The following LAMA1 variants were observed in gnomAD, a reference collection of about 807,000 sequenced individuals.
The protein encoded by LAMA1 is laminin subunit alpha 1.
Under a neutral mutation model 348.7 loss-of-function variants are expected in LAMA1, and 219 were observed. The ratio of observed to expected loss-of-function variants is 0.63; its 90% CI spans 0.56 to 0.70. The LOEUF is 0.70. Among genes scored for constraint, LAMA1 ranks in the 30% least tolerant of loss-of-function variants. The pLI, the probability that LAMA1 is intolerant of heterozygous loss-of-function variation, is 0.00. For missense variants in LAMA1, 3,744 were observed against 3,888.0 expected (o/e 0.96, Z 0.99); for synonymous variants, 1,487 against 1,491.0 (o/e 1.00, Z 0.06).
chr18:7,097,517 T>C (rs1296616118), intron 1 of LAMA1, among the ~76,000 whole-genome samples: 3 of 148,160 alleles, frequency 2.0e-5, no homozygotes, highest in Non-Finnish European at 3.0e-5. Flanking sequence ...TTTTTTTTTT[T>C]TGTAGAAATT....
At chr18:7,021,830 T>TA (rs2057917905) in intron 19 of LAMA1, among the ~76,000 whole-genome samples, 1 of 60,958 alleles carries the variant, frequency 1.6e-5, no homozygotes, top group African/African-American at 1.4e-4. Flanking sequence ...TATTATATAA[T>TA]ATAATAATAT....
chr18:7,103,886 C>T (rs535613591), intron 1 of LAMA1, among the ~76,000 whole-genome samples: 1 of 152,180 alleles, frequency 6.6e-6, no homozygotes, highest in East Asian at 1.9e-4. Flanking sequence ...AGCCCCTGCC[C>T]CTCCCCAGCG....
At chr18:7,049,518 T>C (rs2058054814) in intron 4 of LAMA1, among the ~76,000 whole-genome samples, 1 of 152,166 alleles carries the variant, frequency 6.6e-6, no homozygotes, top group Non-Finnish European at 1.5e-5. Flanking sequence ...CAGGTTGGTC[T>C]TGAACTCCTG....
At chr18:7,021,438 C>T (rs760030912) in intron 19 of LAMA1, among the ~76,000 whole-genome samples, 15 of 151,968 alleles carry the variant, frequency 9.9e-5, no homozygotes, top group Non-Finnish European at 1.8e-4. Flanking sequence ...TGGTACAGGA[C>T]GGAAAAATTT....
rs1218706442 is a variant in LAMA1, at chr18:6,971,962, A to G, written c.6794T>C (p.Val2265Ala). 1 of 1,613,970 alleles carries G rather than the reference A, an allele frequency of 6.2e-7. No individual in the cohort carries two copies. The highest frequency in any genetic ancestry group is 8.5e-7 in the Non-Finnish European group (1 of 1,180,018). Residue 2265 changes from valine to alanine, a missense_variant, in exon 48 of 63, where the codon GTT becomes GCT. Physicochemically the swap from Val to Ala is moderately conservative, Grantham distance 64. This residue lies in a region of LAMA1 where 1,983 missense variants were observed against 1,934.3 expected (regional missense o/e 1.03). Transcript: ENST00000389658. ...CCCCAAGCAGCCTTTAAAATGAGTA[A>G]CCTTCACAGCAGGAGATTTCTAATG... ...GQIKKSPAVKVTHFKGCLGEA... is the reference protein window; with the variant it reads ...GQIKKSPAVKATHFKGCLGEA...
chr18:7,032,006 C>T, intron 16 of LAMA1, 60 bp downstream of exon 16: 1 of 1,389,368 alleles, frequency 7.2e-7, no homozygotes. Context: ...ATCACTTGTA[C>T]ACAGCAAATG....
At chr18:6,984,889 T>C (rs1011051736) in intron 39 of LAMA1, among the ~76,000 whole-genome samples, 1 of 152,232 alleles carries the variant, frequency 6.6e-6, no homozygotes, top group African/African-American at 2.4e-5. Context: ...AACCTCATTC[T>C]GTTCCACCTG....
At chr18:6,979,583 T>C (rs1282396542) in intron 42 of LAMA1, among the ~76,000 whole-genome samples, 1 of 152,324 alleles carries the variant, frequency 6.6e-6, no homozygotes, top group East Asian at 1.9e-4. Context: ...TTCATTTGTA[T>C]TACACATAAA....
At chr18:7,092,937 G>A (rs769016592) in intron 1 of LAMA1, among the ~76,000 whole-genome samples, 1 of 152,130 alleles carries the variant, frequency 6.6e-6, no homozygotes, top group Non-Finnish European at 1.5e-5. Context: ...CTCATTCACC[G>A]CACAGGTGCA....
At chr18:7,104,342 T>C (rs2058303440) in intron 1 of LAMA1, among the ~76,000 whole-genome samples, 1 of 152,224 alleles carries the variant, frequency 6.6e-6, no homozygotes, top group African/African-American at 2.4e-5. Context: ...AACAAATATT[T>C]ACAGAATCTA....
At chr18:6,999,352 T>C in intron 32 of LAMA1, 93 bp downstream of exon 32, 6 of 1,231,890 alleles carry the variant, frequency 4.9e-6, no homozygotes, top group Non-Finnish European at 1.2e-6. Context: ...GATGTTTTTA[T>C]TCTGCAGACA....
At chr18:7,008,251 G>A (rs1052252695) in intron 28 of LAMA1, among the ~76,000 whole-genome samples, 6 of 152,024 alleles carry the variant, frequency 3.9e-5, no homozygotes, top group Non-Finnish European at 8.8e-5. Context: ...GGATGATAGT[G>A]GTGACAGTTG....
intron 7 of LAMA1, among the ~76,000 whole-genome samples, chr18:7,043,628 T>G (rs1303088731): frequency 6.6e-6 from 1 of 152,152 alleles, no homozygotes; most frequent in Non-Finnish European, 1.5e-5. Flanking sequence ...AACCATCTCC[T>G]GGGATTATAT....
intron 34 of LAMA1, among the ~76,000 whole-genome samples, chr18:6,994,686 CACACACACACACAT>C (rs1170706530): frequency 7.5e-6 from 1 of 132,550 alleles, no homozygotes; most frequent in Non-Finnish European, 1.6e-5. Context: ...CACACACACA[CACACACACACACAT>C]ACAAAATTCA....
intron 50 of LAMA1, 82 bp downstream of exon 50, chr18:6,965,206 G>A: frequency 6.5e-7 from 1 of 1,547,698 alleles, no homozygotes. Flanking sequence ...AAACTACTGT[G>A]GAAAAAAAGA....
intron 19 of LAMA1, among the ~76,000 whole-genome samples, chr18:7,021,823 T>A (rs12962628): frequency 4.6e-5 from 5 of 107,998 alleles, no homozygotes; most frequent in Admixed American, 8.7e-5. Context: ...TAATATATAT[T>A]ATATAATATA....
At chr18:7,019,269 G>C (rs2057904444) in intron 19 of LAMA1, among the ~76,000 whole-genome samples, 2 of 152,106 alleles carry the variant, frequency 1.3e-5, no homozygotes, top group Admixed American at 6.6e-5. Flanking sequence ...TGGCTCTGCG[G>C]AAGGGACCCC....
At chr18:6,970,050 A>G (rs561235631) in intron 48 of LAMA1, among the ~76,000 whole-genome samples, 3 of 152,122 alleles carry the variant, frequency 2.0e-5, no homozygotes, top group African/African-American at 7.2e-5. Context: ...GGGTCAGTGG[A>G]GGGGATAGAG....
intron 1 of LAMA1, among the ~76,000 whole-genome samples, chr18:7,098,747 A>C (rs373990185): frequency 1.3e-5 from 1 of 76,708 alleles, no homozygotes; most frequent in Non-Finnish European, 3.1e-5. Context: ...CCGGCCAGCC[A>C]CCCCGTCCAG....
Sources: gnomAD v4.1 joint callset for allele counts (sites outside exome capture counted in the v4.1 genomes callset) on GRCh38, gnomAD v4.1.1 for gene constraint, gnomAD v4.1.1 regional missense constraint, MANE v1.5 for transcripts, NCBI Gene and HGNC (gene_info 2026-07-23, HGNC 2026-07-21) for gene names.